THRAP3: variants seen among roughly 807,000 people sequenced by gnomAD.
THRAP3 encodes thyroid hormone receptor-associated protein 3.
Under a neutral mutation model 101.0 loss-of-function variants are expected in THRAP3, and 16 were observed. The observed-to-expected ratio is 0.16, with a 90% CI of 0.11 to 0.24. The LOEUF (loss-of-function observed/expected upper bound fraction) is 0.24, where lower values mean the gene tolerates loss of function less well. THRAP3 is among the 10% of genes least tolerant of loss of function. The pLI is 1.00. For missense variants in THRAP3, 989 were observed against 1,202.7 expected (o/e 0.82, Z 2.63); for synonymous variants, 407 against 422.6 (o/e 0.96, Z 0.45).
chr1:36,284,128 CTA>C (rs1398467204), intron 3 of THRAP3, among the ~76,000 whole-genome samples: 1 of 152,174 alleles, frequency 6.6e-6, no homozygotes, highest in African/African-American at 2.4e-5. Flanking sequence ...CACCAAGAGG[CTA>C]TGCAACCAAA....
intron 2 of THRAP3, among the ~76,000 whole-genome samples, chr1:36,275,602 A>ATAAG (rs1553122396): frequency 7.9e-6 from 1 of 126,984 alleles, no homozygotes; most frequent in African/African-American, 3.0e-5. Flanking sequence ...AAAAAAAAAA[A>ATAAG]AAGTCTTCTT....
intron 3 of THRAP3, among the ~76,000 whole-genome samples, chr1:36,285,756 G>A (rs1645786911): frequency 1.3e-5 from 2 of 152,192 alleles, no homozygotes; most frequent in African/African-American, 4.8e-5. Context: ...TGTGATTTTA[G>A]TAAGTTCTTT....
the THRAP3 span, among the ~76,000 whole-genome samples, chr1:36,211,366 GAA>G: frequency 2.8e-4 from 38 of 134,920 alleles, no homozygotes; most frequent in African/African-American, 8.0e-4. Context: ...GTCTCAAAAA[GAA>G]AAAAAAAAAA....
the THRAP3 span, among the ~76,000 whole-genome samples, chr1:36,208,002 C>T: frequency 6.6e-6 from 1 of 152,168 alleles, no homozygotes; most frequent in South Asian, 2.1e-4. Flanking sequence ...CATGTTGGCC[C>T]GGCTAGTCTT....
chr1:36,266,183 T>C (rs562384570), intron 2 of THRAP3, among the ~76,000 whole-genome samples: 2 of 145,538 alleles, frequency 1.4e-5, no homozygotes, highest in Non-Finnish European at 3.0e-5. Context: ...AAGCCAAGCA[T>C]TGTGGCGTAC....
intron 1 of THRAP3, among the ~76,000 whole-genome samples, chr1:36,243,808 G>A (rs1319780103): frequency 3.4e-5 from 4 of 119,054 alleles, no homozygotes; most frequent in Non-Finnish European, 5.4e-5. Context: ...CCGGACGGGC[G>A]GCTGGCCAGG....
chr1:36,271,066 C>G (rs955619673), intron 2 of THRAP3, among the ~76,000 whole-genome samples: 2 of 152,162 alleles, frequency 1.3e-5, no homozygotes, highest in African/African-American at 4.8e-5. Flanking sequence ...CCCTCCTTCT[C>G]CTGTTCCCTT....
chr1:36,214,065 AGAC>A, the THRAP3 span, among the ~76,000 whole-genome samples: 2 of 150,658 alleles, frequency 1.3e-5, no homozygotes, highest in Admixed American at 1.3e-4. Context: ...AAAGAAAGAA[AGAC>A]AACTCCTAAC....
chr1:36,211,532 T>C, the THRAP3 span, among the ~76,000 whole-genome samples: 1,595 of 152,264 alleles, frequency 0.01, 26 homozygotes, highest in African/African-American at 0.036. Context: ...AGCCAGACCC[T>C]GTCTCAAAAC....
At chr1:36,300,792 T>G (rs1646021596) in intron 9 of THRAP3, 94 bp from the exon 10 acceptor site, 7 of 1,260,230 alleles carry the variant, frequency 5.6e-6, no homozygotes, top group Non-Finnish European at 7.9e-6. Context: ...ATCACAGGCA[T>G]ACTTTTGATT....
chr1:36,288,577 A>G (rs1645825638), intron 4 of THRAP3: 2 of 985,420 alleles, frequency 2.0e-6, no homozygotes, highest in Non-Finnish European at 2.4e-6. Context: ...CTTCTAGGTG[A>G]CTTGAAGCAA....
intron 1 of THRAP3, among the ~76,000 whole-genome samples, chr1:36,236,578 A>G (rs377545541): frequency 1.3e-5 from 2 of 151,880 alleles, no homozygotes; most frequent in East Asian, 3.9e-4. Context: ...TTACAGGCTT[A>G]AGCTACCACT....
intron 2 of THRAP3, among the ~76,000 whole-genome samples, chr1:36,267,932 T>C (rs12751276): frequency 5.2e-4 from 10 of 19,162 alleles, no homozygotes; most frequent in Admixed American, 1.1e-3. Context: ...GTAATCCTAG[T>C]ACTTTGGGAG....
At chr1:36,212,609 T>C in the THRAP3 span, among the ~76,000 whole-genome samples, 3 of 152,010 alleles carry the variant, frequency 2.0e-5, no homozygotes, top group African/African-American at 7.2e-5. Flanking sequence ...TTAGTAGATA[T>C]GGGGTTCACC....
chr1:36,289,322 A>G lies in THRAP3; in HGVS notation c.1303A>G (p.Lys435Glu), dbSNP rs1645835400. 1 of 1,614,066 alleles carries G rather than the reference A, an allele frequency of 6.2e-7. No individual in the cohort carries two copies. Among genetic ancestry groups the G allele is most frequent in the African/African-American group, 1.3e-5 (1 of 74,920 alleles). The change falls in exon 5 of 12, where the codon AAG becomes GAG. Residue 435 changes from lysine (K) to glutamate (E), a missense_variant. By Grantham distance (56) the Lys-to-Glu change is moderately conservative. Transcript: ENST00000354618. The stretch of plus-strand genomic sequence containing the variant: ...CAAGGAGGAGATGGATGATCAAGAT[A>G]AGGACAAAGCTAAGGGAAGAAAGGA... ...FHKEEMDDQD[K>E]DKAKGRKESE... is the part of the protein sequence containing the mutation.
At chr1:36,296,505 A>G in intron 8 of THRAP3, 78 bp from the exon 9 acceptor site, 1 of 1,300,384 alleles carries the variant, frequency 7.7e-7, no homozygotes, top group Non-Finnish European at 1.1e-6. Context: ...CCATTGGAGT[A>G]AAAACCACAG....
chr1:36,288,374 T>A (rs886376720), intron 4 of THRAP3: 4 of 984,352 alleles, frequency 4.1e-6, no homozygotes, highest in African/African-American at 1.7e-5. Flanking sequence ...CCTCATAGTG[T>A]AGCTCCCAAG....
intron 1 of THRAP3, among the ~76,000 whole-genome samples, 192 bp downstream of exon 1, chr1:36,224,697 A>AG (rs1557800276): frequency 6.6e-6 from 1 of 151,480 alleles, no homozygotes; most frequent in Non-Finnish European, 1.5e-5. Flanking sequence ...CCCGCCCTTT[A>AG]GGTCTTCCCC....
At chr1:36,244,381 G>A (rs896862144) in intron 1 of THRAP3, among the ~76,000 whole-genome samples, 1 of 152,176 alleles carries the variant, frequency 6.6e-6, no homozygotes, top group Non-Finnish European at 1.5e-5. Flanking sequence ...ATTAAAAAAA[G>A]AAAAAGTCTT....
Sources: allele counts gnomAD v4.1 joint callset (sites outside exome capture counted in the v4.1 genomes callset), GRCh38; gene constraint gnomAD v4.1.1; transcripts MANE v1.5; gene names NCBI Gene and HGNC (gene_info 2026-07-23, HGNC 2026-07-21).